The following CFAP20 variants were observed in gnomAD, a reference collection of about 807,000 sequenced individuals.
The protein encoded by CFAP20 is cilia and flagella associated protein 20.
In CFAP20, 14 loss-of-function variants were observed where a neutral mutation model predicts 25.5. The observed-to-expected ratio is 0.55, with a 90% confidence interval of 0.36 to 0.86. The LOEUF (loss-of-function observed/expected upper bound fraction) is 0.86, where lower values mean the gene tolerates loss of function less well. Ranked by LOEUF, CFAP20 falls within the 40% of genes least tolerant of loss-of-function variation. The pLI is 0.01. For synonymous variants in CFAP20, 75 were observed against 91.1 expected (o/e 0.82, Z 1.01); for missense variants, 181 against 248.0 (o/e 0.73, Z 1.81).
intron 1 of CFAP20, among the ~76,000 whole-genome samples, chr16:58,127,847 A>G (rs1005381584): frequency 6.6e-6 from 1 of 152,240 alleles, no homozygotes; most frequent in Non-Finnish European, 1.5e-5. Flanking sequence ...GGTGACAGGC[A>G]GAAAGCTGCT....
At position 58,116,066 on chromosome 16, in the gene CFAP20, T is replaced by C; in HGVS notation, c.251A>G (p.Lys84Arg). ...PFLVMIIKNL[K>R]KYFTFEVQVL... ...CTGCACTTCGAAGGTAAAATACTTC[T>C]TCAGGTTTTTGATAATCATGACAAG... The change falls in exon 3 of 6, where the codon AAG becomes AGG. Residue 84 changes from lysine (K) to arginine (R), a missense_variant. Transcript: ENST00000262498. 6.2e-7 allele frequency: 1 copy of C among 1,612,358 alleles called. No individual in the cohort carries two copies. Among genetic ancestry groups the C allele is most frequent in the Non-Finnish European group, 8.5e-7 (1 of 1,178,376 alleles).
At chr16:58,120,917 A>G (rs1014503259) in intron 1 of CFAP20, among the ~76,000 whole-genome samples, 1 of 152,194 alleles carries the variant, frequency 6.6e-6, no homozygotes, top group African/African-American at 2.4e-5. Flanking sequence ...AAGTATCCCC[A>G]TGTGAAAAGT....
chr16:58,115,204 A>G (rs1373986125), intron 4 of CFAP20, 65 bp downstream of exon 4: 1 of 1,593,024 alleles, frequency 6.3e-7, no homozygotes, highest in East Asian at 2.2e-5. Context: ...GTGGGCCACA[A>G]GCCAATATTA....
At chr16:58,114,103 CT>C (rs1960422525) in intron 5 of CFAP20, 73 bp from the exon 6 acceptor site, 1 of 1,500,902 alleles carries the variant, frequency 6.7e-7, no homozygotes, top group Non-Finnish European at 9.3e-7. Flanking sequence ...CACAGGCCCC[CT>C]GCCTCTGGTG....
At chr16:58,122,565 G>A (rs1275796902) in intron 1 of CFAP20, among the ~76,000 whole-genome samples, 1 of 152,072 alleles carries the variant, frequency 6.6e-6, no homozygotes, top group East Asian at 1.9e-4. Context: ...CTGGGTGACA[G>A]AGCGAGACTC....
chr16:58,121,412 T>C (rs1487483184), intron 1 of CFAP20, among the ~76,000 whole-genome samples: 1 of 152,244 alleles, frequency 6.6e-6, no homozygotes, highest in Non-Finnish European at 1.5e-5. Context: ...TCTGTCCTTC[T>C]CTAGATCACA....
intron 1 of CFAP20, among the ~76,000 whole-genome samples, chr16:58,118,908 C>G (rs1168116186): frequency 6.6e-6 from 1 of 152,120 alleles, no homozygotes; most frequent in Admixed American, 6.6e-5. Flanking sequence ...AGGTTTAGAA[C>G]AGGAGACATC....
intron 1 of CFAP20, among the ~76,000 whole-genome samples, chr16:58,124,477 A>G (rs1960582973): frequency 6.6e-6 from 1 of 152,222 alleles, no homozygotes; most frequent in Non-Finnish European, 1.5e-5. Context: ...ACTTACACAG[A>G]CTTAGACAGT....
intron 1 of CFAP20, among the ~76,000 whole-genome samples, chr16:58,124,601 T>C (rs1960585493): frequency 6.6e-6 from 1 of 152,186 alleles, no homozygotes; most frequent in South Asian, 2.1e-4. Flanking sequence ...ATGGTACGTA[T>C]TTGTGTGTCT....
At chr16:58,122,220 C>T (rs1270915962) in intron 1 of CFAP20, among the ~76,000 whole-genome samples, 1 of 152,214 alleles carries the variant, frequency 6.6e-6, no homozygotes, top group Non-Finnish European at 1.5e-5. Flanking sequence ...TGGGCATACA[C>T]CAACAACCCC....
intron 1 of CFAP20, among the ~76,000 whole-genome samples, chr16:58,126,729 C>A (rs1196173443): frequency 1.3e-5 from 2 of 152,214 alleles, no homozygotes; most frequent in African/African-American, 4.8e-5. Flanking sequence ...CAAGTCTACA[C>A]AAAGCCTGTC....
Position 58,115,300 on chromosome 16 carries a change from C to A in CFAP20, c.434G>T (p.Gly145Val). Residue 145 changes from glycine to valine, a missense_variant, in exon 4 of 6, where the codon GGC becomes GTC. Coordinates refer to ENST00000262498, the MANE Select transcript of CFAP20 (RefSeq NM_013242.3). ...NLLDFTRRAY[G>V]TNYIETLRVQ... ...TCTGAGGGTCTCGATGTAATTGGTG[C>A]CGTATGCTCGCCGTGTGAAGTCTAG... 2 of 1,614,170 alleles carry A rather than the reference C, an allele frequency of 1.2e-6. No homozygotes were observed. Among genetic ancestry groups the A allele is most frequent in the Non-Finnish European group, 1.7e-6 (2 of 1,180,036 alleles).
At chr16:58,122,683 T>G (rs766863562) in intron 1 of CFAP20, among the ~76,000 whole-genome samples, 1 of 152,194 alleles carries the variant, frequency 6.6e-6, no homozygotes. Context: ...GAAAAAAAGT[T>G]TTACCACCTT....
intron 1 of CFAP20, 158 bp from the exon 2 acceptor site, chr16:58,117,109 G>A (rs987630305): frequency 3.4e-6 from 2 of 587,832 alleles, no homozygotes; most frequent in Non-Finnish European, 5.9e-6. Context: ...CCTCTAGACA[G>A]GGTCACACCA....
chr16:58,119,383 T>C (rs184399188), intron 1 of CFAP20: 2 of 152,364 alleles, frequency 1.3e-5, no homozygotes, highest in East Asian at 3.9e-4. Flanking sequence ...CTGGAATCTG[T>C]CACCCTAAGA....
intron 1 of CFAP20, among the ~76,000 whole-genome samples, chr16:58,121,749 C>T (rs566936699): frequency 3.3e-5 from 5 of 152,108 alleles, no homozygotes; most frequent in East Asian, 1.9e-4. Flanking sequence ...TAAAGAACAC[C>T]GATTTCTCTC....
chr16:58,113,769 A>G lies in CFAP20; in HGVS notation c.*256T>C. ...GTTCATGGTAAAGGTATCTCCCCCC[A>G]CACTGGGGCAGGCGGCGGAATAAGC... On this transcript the variant is annotated 3_prime_UTR_variant, in exon 6 of 6. Coordinates refer to ENST00000262498, the MANE Select transcript of CFAP20 (RefSeq NM_013242.3). The G allele has an allele frequency of 2.0e-6, 1 of 500,680 alleles. No individual in the cohort carries two copies. Among genetic ancestry groups the G allele is most frequent in the Non-Finnish European group, 3.6e-6 (1 of 277,030 alleles). The allele number at this position is 500,680 out of a possible 1,614,324, so 31.0% of individuals were successfully genotyped here. A position where few individuals can be genotyped will look rare whatever the true frequency, so the allele number is the denominator to read the frequency against.
At chr16:58,118,591 A>C (rs1278501737) in intron 1 of CFAP20, among the ~76,000 whole-genome samples, 2 of 151,544 alleles carry the variant, frequency 1.3e-5, no homozygotes, top group Admixed American at 1.3e-4. Context: ...GCACTTTGGG[A>C]GGCCGAGGCG....
chr16:58,115,864 A>C lies in CFAP20; in HGVS notation c.276+177T>G. The C allele has an allele frequency of 5.7e-6, 3 of 527,256 alleles. No individual in the cohort carries two copies. In the South Asian group the frequency reaches 8.6e-5, roughly 15 times the overall value. The allele number at this position is 527,256 out of a possible 1,614,324, so 32.7% of individuals were successfully genotyped here. A position where few individuals can be genotyped will look rare whatever the true frequency, so the allele number is the denominator to read the frequency against. ...TGCTGTTTCTTTAAAAACCTGATTAAATTTTATTACTAATATCAAATTTAC... is the reference window on the plus strand; with the variant it reads ...TGCTGTTTCTTTAAAAACCTGATTACATTTTATTACTAATATCAAATTTAC... On this transcript the variant is annotated intron_variant, in intron 3 of 5. Transcript: ENST00000262498.
Sources: gnomAD v4.1 joint callset for allele counts (sites outside exome capture counted in the v4.1 genomes callset) on GRCh38, gnomAD v4.1.1 for gene constraint, MANE v1.5 for transcripts, NCBI Gene and HGNC (gene_info 2026-07-23, HGNC 2026-07-21) for gene names.